Variants in ARMCX4 observed in about 807,000 individuals in gnomAD.
ARMCX4 encodes the protein armadillo repeat containing X-linked 4.
A neutral mutation model predicts 34.7 loss-of-function variants in ARMCX4; 3 were observed. The ratio of observed to expected loss-of-function variants is 0.09; its 90% CI spans 0.04 to 0.22. ARMCX4 has a LOEUF of 0.22. Among genes scored for constraint, ARMCX4 ranks in the 10% least tolerant of loss-of-function variants. The pLI, the probability that ARMCX4 is intolerant of heterozygous loss-of-function variation, is 1.00. For synonymous variants in ARMCX4, 513 were observed against 632.8 expected (o/e 0.81, Z 2.84); for missense variants, 1,448 against 1,720.8 (o/e 0.84, Z 2.81).
At chrX:101,460,690 A>G (rs1556001096) in intron 4 of ARMCX4, among the ~76,000 whole-genome samples, 1 of 112,162 alleles carries the variant, frequency 8.9e-6, no homozygotes, top group Admixed American at 9.6e-5. Flanking sequence ...AACACAGTAT[A>G]TGGCAAAAAA....
At chrX:101,505,392 G>A (rs1246236270) in intron 8 of ARMCX4, 3 of 111,828 alleles carry the variant, frequency 2.7e-5, no homozygotes, top group African/African-American at 9.7e-5. Flanking sequence ...AAATGTCTAA[G>A]TCTTAGGCAT....
chrX:101,529,883 G>T (rs1293060949), intron 11 of ARMCX4, among the ~76,000 whole-genome samples: 2 of 110,814 alleles, frequency 1.8e-5, no homozygotes, highest in Non-Finnish European at 3.8e-5. Flanking sequence ...TACACTGTTG[G>T]TGGGAGTGTA....
At chrX:101,480,127 C>G (rs1235230843) in intron 4 of ARMCX4, among the ~76,000 whole-genome samples, 1 of 48,026 alleles carries the variant, frequency 2.1e-5, no homozygotes, top group Non-Finnish European at 3.9e-5. Context: ...TTTGGAGACA[C>G]ACACACACAC....
chrX:101,482,506 G>A (rs1028201013), upstream of ARMCX4, among the ~76,000 whole-genome samples: 3 of 110,258 alleles, frequency 2.7e-5, no homozygotes, highest in Non-Finnish European at 5.7e-5. Flanking sequence ...CAATCTTCTT[G>A]CCAAGTAGCC....
rs148131234 is a variant in ARMCX4, at chrX:101,495,482, C to A, written c.*20C>A. ...CTCTGATTGGCTGTATGTTCCCAAA[C>A]AAATTTGAGTAATATTTTGGTTTTG... On this transcript the variant is annotated 3_prime_UTR_variant, in exon 6 of 6. Coordinates refer to ENST00000423738, the MANE Select transcript of ARMCX4 (RefSeq NM_001256155.3). The A allele has an allele frequency of 3.2e-3, 3,430 of 1,086,466 alleles. 64 individuals carry two copies. The African/African-American group carries it at 0.057, about 18-fold the overall frequency. 89.5% of individuals were successfully genotyped at this position (1,086,466 alleles called of 1,213,427 possible).
intron 4 of ARMCX4, among the ~76,000 whole-genome samples, chrX:101,465,197 C>T (rs1005099603): frequency 1.2e-4 from 13 of 111,264 alleles, no homozygotes; most frequent in African/African-American, 4.2e-4. Context: ...AATATACCAT[C>T]TATATAATAT....
chrX:101,494,981 C>T lies in ARMCX4; in HGVS notation c.6392C>T (p.Thr2131Ile). The T allele has an allele frequency of 8.7e-7, 1 of 1,154,885 alleles. No individual in the cohort carries two copies. The highest frequency in any genetic ancestry group is 1.1e-6 in the Non-Finnish European group (1 of 871,792). Reference sequence around the variant, plus strand: ...TACTTAAACCAAGTATGTGAAGACACTGTCACCTATCCCTTGAATTCAAAT... The same window carrying T: ...TACTTAAACCAAGTATGTGAAGACATTGTCACCTATCCCTTGAATTCAAAT... ...KTYLNQVCED[T>I]VTYPLNSNVQ... Residue 2131 changes from threonine (T) to isoleucine (I), a missense_variant, in exon 6 of 6, where the codon ACT (threonine) becomes ATT (isoleucine). Transcript: ENST00000423738.
rs1230998166 is a variant in ARMCX4, at chrX:101,491,653, G to T, written c.3064G>T (p.Ala1022Ser). 6.1e-6 allele frequency: 7 copies of T among 1,155,554 alleles called. No individual in the cohort carries two copies. In the African/African-American group the frequency reaches 1.2e-4, roughly 21 times the overall value. ...TIAVPKAGTG[A>S]GTRHSAQPQI... The stretch of plus-strand genomic sequence containing the variant: ...TGCTGTGCCTAAAGCAGGGACTGGG[G>T]CAGGCACAAGGCACTCTGCCCAGCC... Residue 1022 changes from alanine (A) to serine (S), a missense_variant, in exon 6 of 6, where the codon GCA becomes TCA. Ala to Ser is a moderately conservative substitution (Grantham distance 99). Coordinates refer to ENST00000423738, the MANE Select transcript of ARMCX4 (RefSeq NM_001256155.3).
chrX:101,509,283 C>T (rs1382436450), intron 8 of ARMCX4: 1 of 111,541 alleles, frequency 9.0e-6, no homozygotes, highest in Non-Finnish European at 1.9e-5. Flanking sequence ...ACTTTCCTTG[C>T]TCACTATTGT....
At chrX:101,521,368 C>T (rs1934850610) in intron 11 of ARMCX4, among the ~76,000 whole-genome samples, 1 of 111,137 alleles carries the variant, frequency 9.0e-6, no homozygotes, top group African/African-American at 3.3e-5. Context: ...TCATAGTATT[C>T]CTTATAACAC....
intron 7 of ARMCX4, among the ~76,000 whole-genome samples, chrX:101,504,027 C>G (rs1934379628): frequency 8.9e-6 from 1 of 111,863 alleles, no homozygotes; most frequent in Admixed American, 9.5e-5. Context: ...TTCCCAGCAC[C>G]ATTTATTAAA....
chrX:101,516,294 A>G (rs1278027243), intron 11 of ARMCX4, among the ~76,000 whole-genome samples: 3 of 111,677 alleles, frequency 2.7e-5, no homozygotes, highest in Non-Finnish European at 5.6e-5. Flanking sequence ...CTAATTAATA[A>G]CTTTATAAAC....
At chrX:101,438,896 C>G (rs1246639356) in intron 2 of ARMCX4, among the ~76,000 whole-genome samples, 1 of 111,613 alleles carries the variant, frequency 9.0e-6, no homozygotes, top group Non-Finnish European at 1.9e-5. Flanking sequence ...CTGAATACAG[C>G]ACACTAATGG....
At chrX:101,468,786 T>C (rs1932840367) in intron 4 of ARMCX4, among the ~76,000 whole-genome samples, 1 of 111,023 alleles carries the variant, frequency 9.0e-6, no homozygotes, top group Non-Finnish European at 1.9e-5. Flanking sequence ...GCTAATTTTT[T>C]GTATTTTTAG....
chrX:101,429,184 T>G lies in ARMCX4; in HGVS notation n.164+10184T>G, dbSNP rs1929826408. 3.6e-5 allele frequency among the ~76,000 whole-genome samples: 4 copies of G among 111,049 alleles called. No individual in the cohort carries two copies. The Admixed American group carries it at 3.9e-4, about 11-fold the overall frequency. On this transcript the variant is annotated intron_variant and non_coding_transcript_variant, in intron 2 of 3. Transcript: ENST00000430461. ...TCTGTTGTGGTATTTCTTTAACAGC[T>G]GGCGTTATAGGAATCAGACAGACTT...
chrX:101,444,138 G>C, exon 3 of ARMCX4: 1 of 280,556 alleles, frequency 3.6e-6, no homozygotes, highest in Non-Finnish European at 6.8e-6. Flanking sequence ...ACCATGGGTG[G>C]CGATGTTGAA....
downstream of ARMCX4, among the ~76,000 whole-genome samples, chrX:101,451,961 C>T (rs1304336195): frequency 9.0e-6 from 1 of 111,708 alleles, no homozygotes; most frequent in Non-Finnish European, 1.9e-5. Context: ...AGTTCAAGAT[C>T]GTTTATATAG....
rs782354546 is a variant in ARMCX4, at chrX:101,493,918, G to C, written c.5329G>C (p.Ala1777Pro). 5 of 1,145,783 alleles carry C rather than the reference G, an allele frequency of 4.4e-6. No homozygotes were observed. The highest frequency in any genetic ancestry group is 5.7e-6 in the Non-Finnish European group (5 of 869,636). The allele number at this position is 1,145,783 out of a possible 1,213,427, so 94.4% of individuals were successfully genotyped here. A position where few individuals can be genotyped will look rare whatever the true frequency, so the allele number is the denominator to read the frequency against. ...ATCCAGATCAGGGGCTGGGGAAGAG[G>C]CCATGATTTGTTCTAGGATTGAGGC... ...TASRSGAGEE[A>P]MICSRIEAEN... Residue 1777 changes from alanine (A) to proline (P), a missense_variant, in exon 6 of 6, where the codon GCC (alanine) becomes CCC (proline). Ala to Pro is a conservative substitution (Grantham distance 27). Around this residue, in one of 2 missense-constraint regions of ARMCX4, gnomAD observed 1,343 missense variants for 1,540.7 expected, o/e 0.87. Transcript: ENST00000423738.
At chrX:101,464,890 G>A (rs1932765868) in intron 4 of ARMCX4, among the ~76,000 whole-genome samples, 1 of 111,760 alleles carries the variant, frequency 8.9e-6, no homozygotes, top group African/African-American at 3.2e-5. Flanking sequence ...AATCACAGAT[G>A]GAGTGCGGAA....
Sources: allele counts gnomAD v4.1 joint callset (sites outside exome capture counted in the v4.1 genomes callset), GRCh38; gene constraint gnomAD v4.1.1; regional missense constraint gnomAD v4.1.1; transcripts MANE v1.5; gene names NCBI Gene and HGNC (gene_info 2026-07-23, HGNC 2026-07-21).